DGKH: variants seen among roughly 807,000 people sequenced by gnomAD.
The protein encoded by DGKH is diacylglycerol kinase eta.
DGKH carries 90 observed loss-of-function variants against 159.3 expected under a neutral mutation model. The observed-to-expected ratio is 0.57, with a 90% CI of 0.48 to 0.67. DGKH has a LOEUF of 0.67. Among genes scored for constraint, DGKH ranks in the 30% least tolerant of loss-of-function variants. The probability of loss-of-function intolerance (pLI) is 0.00; values close to 1 mark genes in which losing one functional copy is unlikely to be tolerated. For missense variants in DGKH, 1,181 were observed against 1,506.1 expected (o/e 0.78, Z 3.57); for synonymous variants, 536 against 553.8 (o/e 0.97, Z 0.45).
chr13:42,218,852 A>G (rs746120116), intron 26 of DGKH, among the ~76,000 whole-genome samples: 2 of 152,196 alleles, frequency 1.3e-5, no homozygotes, highest in Non-Finnish European at 2.9e-5. Context: ...ACAAATAAGT[A>G]GAATAGTAAG....
intron 5 of DGKH, among the ~76,000 whole-genome samples, 167 bp from the exon 6 acceptor site, chr13:42,159,099 G>C (rs1221426516): frequency 6.6e-6 from 1 of 151,934 alleles, no homozygotes; most frequent in Admixed American, 6.6e-5. Context: ...TTGTTTTCTA[G>C]AATACCATTA....
chr13:42,050,099 G>A (rs1208563043), intron 1 of DGKH, among the ~76,000 whole-genome samples: 2 of 152,172 alleles, frequency 1.3e-5, no homozygotes, highest in African/African-American at 2.4e-5. Context: ...GGCCGGTAAC[G>A]GTGGCTCATG....
intron 1 of DGKH, chr13:42,070,653 A>G: frequency 1.2e-6 from 2 of 1,612,316 alleles, no homozygotes; most frequent in African/African-American, 1.3e-5. Context: ...TGTGCAGTAC[A>G]TTTGCAGAGT....
intron 1 of DGKH, among the ~76,000 whole-genome samples, chr13:42,124,649 G>A (rs2137833737): frequency 6.6e-6 from 1 of 152,304 alleles, no homozygotes. Context: ...CTGGTGATGG[G>A]AGAGATGATA....
chr13:42,109,835 G>T (rs1173859179), intron 1 of DGKH, among the ~76,000 whole-genome samples: 2 of 152,128 alleles, frequency 1.3e-5, no homozygotes, highest in African/African-American at 4.8e-5. Context: ...TTATTAATAA[G>T]ATATTTTTAA....
At chr13:42,175,069 T>A (rs1303328099) in intron 12 of DGKH, among the ~76,000 whole-genome samples, 1 of 152,242 alleles carries the variant, frequency 6.6e-6, no homozygotes, top group Admixed American at 6.5e-5. Flanking sequence ...TCTGACTCAT[T>A]AAGACCATTT....
chr13:42,256,493 G>A (rs1394229196), exon 31 of DGKH: 1 of 1,099,744 alleles, frequency 9.1e-7, no homozygotes, highest in African/African-American at 1.5e-5. Context: ...AGAACAGTTT[G>A]ATGAACAGGT....
intron 1 of DGKH, among the ~76,000 whole-genome samples, chr13:42,111,157 G>A (rs6561035): frequency 4.8e-4 from 70 of 146,140 alleles, no homozygotes; most frequent in African/African-American, 1.7e-3. Context: ...ATAAATAAAT[G>A]TTCACAAAAT....
At chr13:42,200,946 C>A (rs899113125) in intron 20 of DGKH, among the ~76,000 whole-genome samples, 1 of 152,012 alleles carries the variant, frequency 6.6e-6, no homozygotes, top group Non-Finnish European at 1.5e-5. Context: ...TGTAATCATT[C>A]CTTTTTTTCT....
chr13:42,054,665 C>A (rs1881619734), intron 1 of DGKH, among the ~76,000 whole-genome samples: 2 of 152,240 alleles, frequency 1.3e-5, no homozygotes, highest in Admixed American at 1.3e-4. Flanking sequence ...AGAATAAATT[C>A]TTTTGTACAG....
At chr13:42,050,412 A>G (rs1881187883) in intron 1 of DGKH, among the ~76,000 whole-genome samples, 1 of 152,214 alleles carries the variant, frequency 6.6e-6, no homozygotes, top group South Asian at 2.1e-4. Context: ...TCTGAAATAC[A>G]TGTGTGTAAG....
At chr13:42,254,746 C>T (rs1390097510) in intron 30 of DGKH, among the ~76,000 whole-genome samples, 1 of 151,890 alleles carries the variant, frequency 6.6e-6, no homozygotes, top group East Asian at 1.9e-4. Context: ...CTTTATAATC[C>T]TATTTTGAAT....
In DGKH at chr13:42,168,406, CT is replaced by C. The variant is rs1241880496; in HGVS notation, c.1119-31del. The C allele has an allele frequency of 5.1e-6, 8 of 1,557,874 alleles. No individual in the cohort carries two copies. In the South Asian group the frequency reaches 8.0e-5, roughly 16 times the overall value. On this transcript the variant is annotated intron_variant, in intron 9 of 29. Transcript: ENST00000337343. ...GAATTGAGGAAAGTGATTTTTATTT[CT>C]TTATACTAAAATAAAATCCTTTTTG... is the stretch of plus-strand genomic sequence containing the variant.
At chr13:42,223,604 C>CA (rs1036530338) in intron 29 of DGKH, among the ~76,000 whole-genome samples, 7 of 151,738 alleles carry the variant, frequency 4.6e-5, no homozygotes, top group African/African-American at 1.7e-4. Context: ...ACTAAAACTA[C>CA]AAAAAAACTA....
intron 1 of DGKH, among the ~76,000 whole-genome samples, chr13:42,104,844 A>G (rs1013766221): frequency 2.0e-5 from 3 of 152,128 alleles, no homozygotes; most frequent in Non-Finnish European, 4.4e-5. Context: ...TATTTGGCTG[A>G]ATTTGGTAAC....
intron 3 of DGKH, among the ~76,000 whole-genome samples, chr13:42,137,243 C>T (rs1032020265): frequency 6.6e-6 from 1 of 152,180 alleles, no homozygotes; most frequent in East Asian, 1.9e-4. Context: ...CTTTTCATAT[C>T]ACTTGTGAAT....
At chr13:42,084,272 T>G (rs1954262889) in intron 1 of DGKH, among the ~76,000 whole-genome samples, 1 of 152,222 alleles carries the variant, frequency 6.6e-6, no homozygotes, top group South Asian at 2.1e-4. Context: ...TTTGCCATGT[T>G]TATTCACAGG....
At chr13:42,081,271 C>T (rs922098214) in intron 1 of DGKH, among the ~76,000 whole-genome samples, 1 of 151,822 alleles carries the variant, frequency 6.6e-6, no homozygotes, top group Non-Finnish European at 1.5e-5. Context: ...GCTCTGTTGC[C>T]CAGGCTGGAG....
chr13:42,136,166 G>C (rs1252440579), intron 3 of DGKH, among the ~76,000 whole-genome samples: 3 of 152,164 alleles, frequency 2.0e-5, no homozygotes, highest in Admixed American at 6.5e-5. Context: ...TTTAATAAAA[G>C]TGGCAGTTAT....
Sources: allele counts gnomAD v4.1 joint callset (sites outside exome capture counted in the v4.1 genomes callset), GRCh38; gene constraint gnomAD v4.1.1; transcripts MANE v1.5; gene names NCBI Gene and HGNC (gene_info 2026-07-23, HGNC 2026-07-21).